The following ZNF438 variants were observed in gnomAD, a reference collection of about 807,000 sequenced individuals.
ZNF438 encodes the protein zinc finger protein 438.
In ZNF438, 25 loss-of-function variants were observed where a neutral mutation model predicts 38.0. The observed-to-expected ratio is 0.66, with a 90% CI of 0.48 to 0.92. The LOEUF (loss-of-function observed/expected upper bound fraction) is 0.92, where lower values mean the gene tolerates loss of function less well. ZNF438 is among the 40% of genes least tolerant of loss of function. The pLI is 0.00. For synonymous variants in ZNF438, 372 were observed against 364.1 expected (o/e 1.02, Z -0.25); for missense variants, 1,007 against 999.6 (o/e 1.01, Z -0.10).
intron 2 of ZNF438, among the ~76,000 whole-genome samples, chr10:30,921,750 A>G (rs2044320667): frequency 1.3e-5 from 2 of 152,200 alleles, no homozygotes; most frequent in African/African-American, 4.8e-5. Context: ...GGAACATCCG[A>G]GGCTGCTCTA....
chr10:30,846,090 A>G (rs4749619), intron 5 of ZNF438, among the ~76,000 whole-genome samples: 99,994 of 152,144 alleles, frequency 0.66, 34,338 homozygotes, highest in African/African-American at 0.86. Flanking sequence ...TTTCTTAGAC[A>G]TTTCTGTCCC....
chr10:30,873,191 T>C (rs7910636), intron 4 of ZNF438, among the ~76,000 whole-genome samples: 89,251 of 152,004 alleles, frequency 0.59, 26,453 homozygotes, highest in African/African-American at 0.63. Flanking sequence ...AAAACTAAAT[T>C]CTATCCCTAA....
At chr10:30,845,009 C>T (rs150728330) in exon 6 of ZNF438, 18 of 1,614,110 alleles carry the variant, frequency 1.1e-5, no homozygotes, top group South Asian at 6.6e-5. Flanking sequence ...GGTTGGAGAC[C>T]GTATTTAAAA....
intron 1 of ZNF438, among the ~76,000 whole-genome samples, chr10:31,023,765 A>T (rs2056764282): frequency 6.6e-6 from 1 of 152,238 alleles, no homozygotes; most frequent in Non-Finnish European, 1.5e-5. Flanking sequence ...CAACAAAGTA[A>T]GCCAATCAGC....
chr10:30,906,246 A>G (rs995032094), intron 3 of ZNF438, among the ~76,000 whole-genome samples: 2 of 152,144 alleles, frequency 1.3e-5, no homozygotes, highest in African/African-American at 4.8e-5. Flanking sequence ...AATATTTTGT[A>G]GTTTTTGGTG....
chr10:30,912,505 T>C (rs1328213529), intron 2 of ZNF438, among the ~76,000 whole-genome samples: 2 of 152,136 alleles, frequency 1.3e-5, no homozygotes, highest in African/African-American at 2.4e-5. Flanking sequence ...TTCACAGAGA[T>C]GTAAATAAAA....
At chr10:30,935,509 G>A (rs992455329) in intron 2 of ZNF438, among the ~76,000 whole-genome samples, 6 of 152,202 alleles carry the variant, frequency 3.9e-5, no homozygotes, top group Non-Finnish European at 8.8e-5. Flanking sequence ...ACAGAGCAAG[G>A]AGGGTGCCAA....
At chr10:30,961,316 G>A (rs1342937268) in intron 1 of ZNF438, among the ~76,000 whole-genome samples, 11 of 143,558 alleles carry the variant, frequency 7.7e-5, no homozygotes, top group African/African-American at 2.0e-4. Flanking sequence ...ATGAGGTCTC[G>A]CTATGTTGCC....
intron 1 of ZNF438, among the ~76,000 whole-genome samples, chr10:30,963,579 T>C (rs978663881): frequency 1.3e-5 from 2 of 151,844 alleles, no homozygotes; most frequent in Admixed American, 6.6e-5. Context: ...AGCACTAGTA[T>C]ATATGCCAAT....
intron 2 of ZNF438, among the ~76,000 whole-genome samples, chr10:30,923,591 A>T (rs2044574983): frequency 1.3e-5 from 2 of 152,110 alleles, no homozygotes; most frequent in South Asian, 4.1e-4. Context: ...TCCCCCAATG[A>T]TCTTCAACAC....
At chr10:30,971,633 T>TG (rs2050750997) in intron 1 of ZNF438, among the ~76,000 whole-genome samples, 1 of 152,186 alleles carries the variant, frequency 6.6e-6, no homozygotes, top group African/African-American at 2.4e-5. Context: ...CAGTATTACA[T>TG]GAAAAAAAGT....
intron 3 of ZNF438, among the ~76,000 whole-genome samples, chr10:30,904,812 A>C (rs2934638): frequency 2.0e-5 from 3 of 151,758 alleles, no homozygotes; most frequent in Non-Finnish European, 4.4e-5. Flanking sequence ...CTTTTTGCCT[A>C]GATAACTCGG....
At chr10:30,897,871 G>A (rs578095964) in intron 3 of ZNF438, among the ~76,000 whole-genome samples, 1 of 152,288 alleles carries the variant, frequency 6.6e-6, no homozygotes, top group East Asian at 1.9e-4. Flanking sequence ...CGCTGACAGA[G>A]ATTGTTCACC....
intron 4 of ZNF438, chr10:30,875,305 T>C: frequency 2.0e-6 from 2 of 985,410 alleles, no homozygotes; most frequent in Non-Finnish European, 2.4e-6. Context: ...AAGCAGCTTG[T>C]TGCTTAGTTA....
At position 30,981,239 on chromosome 10, in the gene ZNF438, AAGCT is replaced by A. The variant is rs554552254; in HGVS notation, c.-191-39592_-191-39589del. Among the ~76,000 whole-genome samples, 151 of 152,304 alleles carry A rather than the reference AAGCT, an allele frequency of 9.9e-4. 2 individuals carry two copies. The highest frequency in any genetic ancestry group is 3.5e-3 in the African/African-American group (144 of 41,556). ...GGGGACTGCAGAATGAGCCAGAGTA[AAGCT>A]AGACAAGAAACACAAGTCCTTACTC... On this transcript the variant is annotated intron_variant, in intron 1 of 5. Coordinates refer to ENST00000413025, the Ensembl canonical transcript of ZNF438.
At chr10:30,893,965 C>T (rs985316425) in intron 3 of ZNF438, among the ~76,000 whole-genome samples, 1 of 152,142 alleles carries the variant, frequency 6.6e-6, no homozygotes, top group Admixed American at 6.6e-5. Context: ...TATTTTGGTA[C>T]ATTTTGTTAA....
chr10:31,014,936 A>C (rs191529513), intron 1 of ZNF438, among the ~76,000 whole-genome samples: 6 of 152,224 alleles, frequency 3.9e-5, no homozygotes, highest in Admixed American at 6.5e-5. Context: ...TGGTGTGATC[A>C]TAACTCCAAC....
In ZNF438 at chr10:30,917,670, C is replaced by T. The variant is rs114833802; in HGVS notation, c.-114-8655G>A. ...ATTCCTTTTTAGTTTCTGGTTGTTC[C>T]GCTTTTTGTTATGGAGCTGTATAAA... On this transcript the variant is annotated intron_variant, in intron 2 of 5. Transcript: ENST00000413025. Among the ~76,000 whole-genome samples the T allele has an allele frequency of 2.8e-3, 420 of 152,178 alleles. 2 individuals are homozygous for T. Among genetic ancestry groups the T allele is most frequent in the African/African-American group, 7.5e-3 (311 of 41,548 alleles).
At chr10:30,998,118 C>T (rs1028351312) in intron 1 of ZNF438, among the ~76,000 whole-genome samples, 1 of 152,134 alleles carries the variant, frequency 6.6e-6, no homozygotes, top group Non-Finnish European at 1.5e-5. Context: ...ATGAAATTAA[C>T]TTTGCATGTT....
Sources: allele counts gnomAD v4.1 joint callset (sites outside exome capture counted in the v4.1 genomes callset), GRCh38; gene constraint gnomAD v4.1.1; transcripts MANE v1.5; gene names NCBI Gene and HGNC (gene_info 2026-07-23, HGNC 2026-07-21).